ABCB5: variants seen among roughly 807,000 people sequenced by gnomAD.
ABCB5 encodes the protein ATP-binding cassette sub-family B member 5.
A neutral mutation model predicts 144.2 loss-of-function variants in ABCB5; 155 were observed. The observed-to-expected ratio is 1.08, with a 90% CI of 0.94 to 1.23. The LOEUF (loss-of-function observed/expected upper bound fraction) is 1.23, where lower values mean the gene tolerates loss of function less well. Ranked by LOEUF, ABCB5 falls within the 50% of genes most tolerant of loss-of-function variation. The probability of loss-of-function intolerance (pLI) is 0.00; values close to 1 mark genes in which losing one functional copy is unlikely to be tolerated. For missense variants in ABCB5, 1,830 were observed against 1,520.8 expected, an observed-to-expected ratio of 1.20 and a Z score of -3.38; for synonymous variants, 610 against 528.6, an observed-to-expected ratio of 1.15 and a Z score of -2.11.
chr7:20,666,718 T>G (rs951633347), intron 14 of ABCB5: 4 of 1,589,844 alleles, frequency 2.5e-6, no homozygotes, highest in African/African-American at 2.7e-5. Flanking sequence ...TGAAGTAGGA[T>G]AGGAGATACT....
intron 16 of ABCB5, among the ~76,000 whole-genome samples, chr7:20,686,881 T>C (rs1038635937): frequency 5.9e-5 from 9 of 152,212 alleles, no homozygotes; most frequent in Admixed American, 2.6e-4. Context: ...CTGAAGCCCC[T>C]GGATTATCTG....
chr7:20,636,678 G>A (rs146982701), intron 5 of ABCB5, among the ~76,000 whole-genome samples: 22 of 150,914 alleles, frequency 1.5e-4, no homozygotes, highest in South Asian at 8.4e-4. Context: ...CCAGCTACTC[G>A]GAAAGTTGAG....
chr7:20,710,206 C>G (rs1043575092), intron 20 of ABCB5, among the ~76,000 whole-genome samples: 10 of 147,560 alleles, frequency 6.8e-5, no homozygotes, highest in African/African-American at 2.5e-4. Context: ...GAGACCGTCT[C>G]TCTACTAAAA....
At chr7:20,741,102 C>CA (rs752938155) in intron 24 of ABCB5, among the ~76,000 whole-genome samples, 2,348 of 53,288 alleles carry the variant, frequency 0.044, 34 homozygotes, top group Middle Eastern at 0.093. Flanking sequence ...GACTCCTTCT[C>CA]AAAAAAAAAA....
At position 20,743,221 on chromosome 7, in the gene ABCB5, T is replaced by A. The variant is rs1026131028; in HGVS notation, c.3222+147T>A. ...AAAAATCTCTGTGTCAACCCTTAAC[T>A]AAGAGGACAAGCAAACCATCACAAA... On this transcript the variant is annotated intron_variant, in intron 25 of 27. Coordinates refer to ENST00000404938, the MANE Select transcript of ABCB5 (RefSeq NM_001163941.2). 4 of 801,118 alleles carry A rather than the reference T, an allele frequency of 5.0e-6. No individual in the cohort carries two copies. In the African/African-American group the frequency reaches 7.0e-5, roughly 14 times the overall value. The allele number at this position is 801,118 out of a possible 1,614,324, so 49.6% of individuals were successfully genotyped here.
At position 20,756,936 on chromosome 7, in the gene ABCB5, A is replaced by T. The variant is rs1222067161; in HGVS notation, c.*1312A>T. On this transcript the variant is annotated 3_prime_UTR_variant, in exon 28 of 28. Transcript: ENST00000404938. ...CTACCAATAATTGAAATCTTGTTAA[A>T]CAAAATTAAAACCATTTATATATTA... 1 of 152,372 alleles carries T rather than the reference A, an allele frequency of 6.6e-6. No homozygotes were observed. The highest frequency in any genetic ancestry group is 1.5e-5 in the Non-Finnish European group (1 of 68,044). The allele number at this position is 152,372 out of a possible 1,614,324, so 9.4% of individuals were successfully genotyped here. A position where few individuals can be genotyped will look rare whatever the true frequency, so the allele number is the denominator to read the frequency against.
chr7:20,658,438 C>G, intron 13 of ABCB5, 68 bp from the exon 14 acceptor site: 2 of 1,486,558 alleles, frequency 1.3e-6, no homozygotes, highest in East Asian at 4.6e-5. Flanking sequence ...CTGGGATTGT[C>G]ATTTCCTGTT....
At chr7:20,621,508 G>A (rs1011319834) in intron 1 of ABCB5, among the ~76,000 whole-genome samples, 10 of 152,214 alleles carry the variant, frequency 6.6e-5, no homozygotes, top group Non-Finnish European at 1.3e-4. Flanking sequence ...ACGGTCTAGA[G>A]TAAAGAATAA....
At chr7:20,668,746 CA>C (rs1390877410) in intron 14 of ABCB5, among the ~76,000 whole-genome samples, 20 of 142,584 alleles carry the variant, frequency 1.4e-4, no homozygotes, top group Non-Finnish European at 2.1e-4. Flanking sequence ...CCCGCCCGGC[CA>C]GCCGCCCAGT....
intron 13 of ABCB5, among the ~76,000 whole-genome samples, chr7:20,651,998 G>T (rs1007771771): frequency 3.9e-5 from 6 of 152,034 alleles, no homozygotes; most frequent in African/African-American, 1.2e-4. Flanking sequence ...ACCAAAAGAA[G>T]AAATGCATCA....
intron 20 of ABCB5, among the ~76,000 whole-genome samples, chr7:20,709,239 G>C (rs1431071800): frequency 6.6e-6 from 1 of 150,456 alleles, no homozygotes. Context: ...GCCTTTCTTT[G>C]CTTGGCCAAT....
chr7:20,720,030 T>A (rs1781811032), intron 20 of ABCB5, among the ~76,000 whole-genome samples: 1 of 152,140 alleles, frequency 6.6e-6, no homozygotes, highest in South Asian at 2.1e-4. Flanking sequence ...CACCATATCT[T>A]GACTGCTAAA....
intron 19 of ABCB5, among the ~76,000 whole-genome samples, chr7:20,701,346 G>GT (rs1338585141): frequency 6.6e-6 from 1 of 151,952 alleles, no homozygotes; most frequent in Non-Finnish European, 1.5e-5. Context: ...GCTCATTTTT[G>GT]TTTTTCTTTA....
At chr7:20,659,394 G>GT (rs142562743) in intron 14 of ABCB5, 1,368 of 1,178,318 alleles carry the variant, frequency 1.2e-3, no homozygotes, top group East Asian at 6.1e-3. Flanking sequence ...TGAGTTAAGC[G>GT]TTTTTTTTTC....
chr7:20,683,350 T>C (rs532581589), intron 15 of ABCB5, among the ~76,000 whole-genome samples: 6 of 152,326 alleles, frequency 3.9e-5, no homozygotes, highest in African/African-American at 1.4e-4. Context: ...TATTTGATAA[T>C]CGAATTTTTA....
chr7:20,683,937 C>A, intron 15 of ABCB5, among the ~76,000 whole-genome samples: 1 of 154 alleles, frequency 6.5e-3, no homozygotes. Flanking sequence ...AGATGATGAA[C>A]TCTTGGTCAC....
intron 15 of ABCB5, among the ~76,000 whole-genome samples, chr7:20,684,624 A>C (rs1045712110): frequency 5.3e-5 from 8 of 152,232 alleles, no homozygotes; most frequent in African/African-American, 1.7e-4. Context: ...CAAAAAATAA[A>C]AAATTTCAAA....
At chr7:20,671,188 C>A (rs540851189) in intron 14 of ABCB5, among the ~76,000 whole-genome samples, 1 of 152,302 alleles carries the variant, frequency 6.6e-6, no homozygotes, top group South Asian at 2.1e-4. Context: ...TGTCCCCAAT[C>A]TACTTTGTCA....
chr7:20,623,776 C>A (rs147446340), intron 2 of ABCB5, among the ~76,000 whole-genome samples: 1 of 152,120 alleles, frequency 6.6e-6, no homozygotes, highest in Non-Finnish European at 1.5e-5. Context: ...AGTTTCTACA[C>A]GTGGAATTCA....
Sources: gnomAD v4.1 joint callset for allele counts (sites outside exome capture counted in the v4.1 genomes callset) on GRCh38, gnomAD v4.1.1 for gene constraint, MANE v1.5 for transcripts, NCBI Gene and HGNC (gene_info 2026-07-23, HGNC 2026-07-21) for gene names.